Variants in GPR157 observed in about 807,000 individuals in gnomAD.
The protein encoded by GPR157 is G protein-coupled receptor 157, also known as G-protein coupled receptor 157.
In GPR157, 16 loss-of-function variants were observed where a neutral mutation model predicts 23.5. That is an observed-to-expected ratio of 0.68 (90% confidence interval 0.46 to 1.04). GPR157 has a LOEUF of 1.04. Among genes scored for constraint, GPR157 ranks in the 50% least tolerant of loss-of-function variants. The pLI is 0.00. For synonymous variants in GPR157, 200 were observed against 221.5 expected, an observed-to-expected ratio of 0.90 and a Z score of 0.86; for missense variants, 440 against 460.7, an observed-to-expected ratio of 0.96 and a Z score of 0.41.
chr1:9,112,057 G>GT (rs1318058578), intron 1 of GPR157, among the ~76,000 whole-genome samples: 1 of 152,238 alleles, frequency 6.6e-6, no homozygotes, highest in Admixed American at 6.5e-5. Context: ...CGTGACTGTT[G>GT]TGAGTCACGT....
intron 2 of GPR157, among the ~76,000 whole-genome samples, chr1:9,108,902 C>G (rs1309851260): frequency 6.6e-6 from 1 of 152,120 alleles, no homozygotes; most frequent in Non-Finnish European, 1.5e-5. Context: ...TCTCCTACCT[C>G]AGCCTCCTGA....
intron 1 of GPR157, among the ~76,000 whole-genome samples, chr1:9,122,611 T>A (rs575099239): frequency 6.6e-6 from 1 of 152,120 alleles, no homozygotes; most frequent in African/African-American, 2.4e-5. Context: ...GAGAAAAACA[T>A]GTTTCTGGGA....
Position 9,104,579 on chromosome 1 carries a change from G to A in GPR157, c.848C>T (p.Thr283Ile). 1 of 1,613,728 alleles carries A rather than the reference G, an allele frequency of 6.2e-7. No homozygotes were observed. The highest frequency in any genetic ancestry group is 8.5e-7 in the Non-Finnish European group (1 of 1,179,832). ...GANCIMFVLC[T>I]RAVRTRLFSL... Reference sequence around the variant, plus strand: ...GAAGAGCCGAGTTCGGACGGCGCGGGTGCAGAGGACGAACATGATGCAGTT... The same window carrying A: ...GAAGAGCCGAGTTCGGACGGCGCGGATGCAGAGGACGAACATGATGCAGTT... The change falls in exon 4 of 4, where the codon ACC (threonine) becomes ATC (isoleucine). Residue 283 changes from threonine (T) to isoleucine (I), a missense_variant. By Grantham distance (89) the Thr-to-Ile change is moderately conservative. Coordinates refer to ENST00000377411, the MANE Select transcript of GPR157 (RefSeq NM_024980.5).
At position 9,128,566 on chromosome 1, in the gene GPR157, G is replaced by T; in HGVS notation, c.383+79C>A. The stretch of plus-strand genomic sequence containing the variant: ...TGGGTAGGGGGTGTCCAACCTAGAC[G>T]CGGCCTCTGGGAGGGCAAGACCGGG... On this transcript the variant is annotated intron_variant, in intron 1 of 3. Transcript: ENST00000377411. The surrounding 1 kb of genome is among the most constrained non-coding windows in gnomAD (Gnocchi z 6.3). 1.5e-6 allele frequency: 2 copies of T among 1,373,684 alleles called. No individual in the cohort carries two copies. The highest frequency in any genetic ancestry group is 1.4e-5 in the African/African-American group (1 of 70,382). 85.1% of individuals were successfully genotyped at this position (1,373,684 alleles called of 1,614,324 possible).
chr1:9,110,651 T>C (rs914498581), intron 2 of GPR157, among the ~76,000 whole-genome samples: 3 of 152,190 alleles, frequency 2.0e-5, no homozygotes, highest in East Asian at 1.9e-4. Context: ...TAGTTCCACA[T>C]GTGCAGACTG....
At chr1:9,111,160 T>A in intron 2 of GPR157, 116 bp downstream of exon 2, 1 of 878,052 alleles carries the variant, frequency 1.1e-6, no homozygotes, top group Non-Finnish European at 1.9e-6. Flanking sequence ...GGCCCATCAC[T>A]GGTTCTGTCC....
Position 9,104,468 on chromosome 1 carries a change from C to T in GPR157, c.959G>A (p.Gly320Glu), listed in dbSNP as rs774260619. 6.2e-7 allele frequency: 1 copy of T among 1,613,846 alleles called. No homozygotes were observed. Among genetic ancestry groups the T allele is most frequent in the Admixed American group, 1.7e-5 (1 of 59,984 alleles). ...TPKAPAPSKPGESQESQGTPG... is the reference protein window; with the variant it reads ...TPKAPAPSKPEESQESQGTPG... Reference sequence around the variant, plus strand: ...GGTCCCTTGGGATTCCTGAGATTCTCCTGGCTTGGAAGGCGCGGGAGCCTT... The same window carrying T: ...GGTCCCTTGGGATTCCTGAGATTCTTCTGGCTTGGAAGGCGCGGGAGCCTT... The change falls in exon 4 of 4, where the codon GGA becomes GAA. Residue 320 changes from glycine to glutamate, a missense_variant. Physicochemically the swap from Gly to Glu is moderately conservative, Grantham distance 98. Coordinates refer to ENST00000377411, the MANE Select transcript of GPR157 (RefSeq NM_024980.5).
rs1638742327 is a variant in GPR157, at chr1:9,118,910, C to G, written c.384-7421G>C. On this transcript the variant is annotated intron_variant, in intron 1 of 3. Coordinates refer to ENST00000377411, the MANE Select transcript of GPR157 (RefSeq NM_024980.5). The surrounding 1 kb of genome is among the most constrained non-coding windows in gnomAD (Gnocchi z 4.6). ...ATTAGCCAGGCGTGGTGGCACACAC[C>G]TGAAGTCCCAGCTACCCAGGAGGCT... Among the ~76,000 whole-genome samples the G allele has an allele frequency of 6.6e-6, 1 of 152,148 alleles. No individual in the cohort carries two copies. Among genetic ancestry groups the G allele is most frequent in the South Asian group, 2.1e-4 (1 of 4,828 alleles).
intron 2 of GPR157, among the ~76,000 whole-genome samples, chr1:9,109,812 AAAGAG>A (rs572432506): frequency 9.7e-4 from 147 of 152,292 alleles, no homozygotes; most frequent in African/African-American, 3.2e-3. Flanking sequence ...AGCAAAAAGA[AAAGAG>A]AAAACTAAAG....
chr1:9,123,691 T>TATATATTTAATATTAATGTATATTTAAA (rs1638897863), intron 1 of GPR157, among the ~76,000 whole-genome samples: 5 of 115,486 alleles, frequency 4.3e-5, no homozygotes, highest in Non-Finnish European at 8.3e-5. Context: ...ATATATTTAA[T>TATATATTTAATATTAATGTATATTTAAA]ATATATTTAA....
chr1:9,111,301 AG>A lies in GPR157; in HGVS notation c.571del (p.Leu191TrpfsTer57), dbSNP rs1441517052. On this transcript the variant is annotated frameshift_variant, in exon 2 of 4. Coordinates refer to ENST00000377411, the MANE Select transcript of GPR157 (RefSeq NM_024980.5). LOFTEE classifies it high-confidence loss of function. ...AYVLLPLLYL[L>X]VRKHINRAHT... ...CGCTCTGTTGATGTGCTTCCGGACC[AG>A]GAGGTACAGCAGAGGCAGCAGCACA... 1 of 1,614,208 alleles carries A rather than the reference AG, an allele frequency of 6.2e-7. No homozygotes were observed. The highest frequency in any genetic ancestry group is 1.7e-5 in the Admixed American group (1 of 60,028).
chr1:9,114,735 C>A (rs1638598202), intron 1 of GPR157, among the ~76,000 whole-genome samples: 1 of 151,954 alleles, frequency 6.6e-6, no homozygotes, highest in Non-Finnish European at 1.5e-5. Flanking sequence ...GTCAAATAGG[C>A]AGAGGGTTTT....
At position 9,116,358 on chromosome 1, in the gene GPR157, A is replaced by AATAT. The variant is rs1638677323; in HGVS notation, c.384-4870_384-4869insATAT. Among the ~76,000 whole-genome samples the AATAT allele has an allele frequency of 3.3e-4, 4 of 12,106 alleles. 1 individual carries two copies. The highest frequency in any genetic ancestry group is 5.2e-4 in the Non-Finnish European group (4 of 7,700). The allele number at this position is 12,106 out of a possible 152,430, so 7.9% of individuals were successfully genotyped here. A position where few individuals can be genotyped will look rare whatever the true frequency, so the allele number is the denominator to read the frequency against. On this transcript the variant is annotated intron_variant, in intron 1 of 3. Coordinates refer to ENST00000377411, the MANE Select transcript of GPR157 (RefSeq NM_024980.5). ...ATATAATTTATATATAATTATATAT[A>AATAT]AATTATATATATATATATTTTTTCA...
At position 9,120,208 on chromosome 1, in the gene GPR157, G is replaced by C. The variant is rs1466514845; in HGVS notation, c.383+8437C>G. On this transcript the variant is annotated intron_variant, in intron 1 of 3. Coordinates refer to ENST00000377411, the MANE Select transcript of GPR157 (RefSeq NM_024980.5). This position sits in a 1 kb window ranked among gnomAD's most constrained non-coding sequence, Gnocchi z 4.1. ...GGAAGGGGTCAGAGGTTAGACTGAA[G>C]GGGGCTCAAGGCAGAGTCTGCTCAA... Among the ~76,000 whole-genome samples, 1 of 152,148 alleles carries C rather than the reference G, an allele frequency of 6.6e-6. No homozygotes were observed. The highest frequency in any genetic ancestry group is 1.5e-5 in the Non-Finnish European group (1 of 68,016).
chr1:9,110,695 G>A lies in GPR157; in HGVS notation c.597+581C>T, dbSNP rs991566572. Among the ~76,000 whole-genome samples, 22 of 152,194 alleles carry A rather than the reference G, an allele frequency of 1.4e-4. 1 individual carries two copies. Among genetic ancestry groups the A allele is most frequent in the Non-Finnish European group, 2.9e-5 (2 of 68,036 alleles). On this transcript the variant is annotated intron_variant, in intron 2 of 3. Transcript: ENST00000377411. ...GAACAAGGAGGAACTGGGCCAAGGT[G>A]TCAGAGGAAAGCCATTCTTTCGTAG...
At chr1:9,126,321 T>C (rs1407850692) in intron 1 of GPR157, among the ~76,000 whole-genome samples, 1 of 152,252 alleles carries the variant, frequency 6.6e-6, no homozygotes, top group Non-Finnish European at 1.5e-5. Context: ...TTATAACTTG[T>C]ATTGCTTTGC....
chr1:9,111,112 C>A, intron 2 of GPR157, 164 bp downstream of exon 2: 1 of 687,730 alleles, frequency 1.5e-6, no homozygotes, highest in South Asian at 1.6e-5. Flanking sequence ...CAGCGTGTTG[C>A]ATGGTGTCTG....
chr1:9,104,727 G>T (rs1638235806), intron 3 of GPR157, 93 bp from the exon 4 acceptor site: 8 of 925,104 alleles, frequency 8.6e-6, no homozygotes, highest in Non-Finnish European at 1.3e-5. Flanking sequence ...TAGGCTGGGT[G>T]CGGTGGCTCA....
intron 1 of GPR157, among the ~76,000 whole-genome samples, chr1:9,111,988 A>C (rs1638515543): frequency 6.6e-6 from 1 of 152,004 alleles, no homozygotes; most frequent in Non-Finnish European, 1.5e-5. Flanking sequence ...AAAAAAGAAG[A>C]GTTTTGTATA....
Sources: gnomAD v4.1 joint callset for allele counts (sites outside exome capture counted in the v4.1 genomes callset) on GRCh38, gnomAD v4.1.1 for gene constraint, Gnocchi (gnomAD v3.1) non-coding constraint, MANE v1.5 for transcripts, NCBI Gene and HGNC (gene_info 2026-07-23, HGNC 2026-07-21) for gene names.